Variants in CFAP251 observed in about 807,000 individuals in gnomAD.
CFAP251 encodes the protein cilia and flagella associated protein 251.
In CFAP251, 93 loss-of-function variants were observed where a neutral mutation model predicts 126.7. That is an observed-to-expected ratio of 0.73 (90% CI 0.62 to 0.87). CFAP251 has a LOEUF of 0.87. CFAP251 is among the 40% of genes least tolerant of loss of function. The probability of loss-of-function intolerance (pLI) is 0.00; values close to 1 mark genes in which losing one functional copy is unlikely to be tolerated. For missense variants in CFAP251, 1,287 were observed against 1,389.2 expected (o/e 0.93, Z 1.17); for synonymous variants, 503 against 506.9 (o/e 0.99, Z 0.10).
chr12:121,986,844 C>CT (rs1415318786), intron 19 of CFAP251, among the ~76,000 whole-genome samples: 3 of 152,020 alleles, frequency 2.0e-5, no homozygotes, highest in Non-Finnish European at 4.4e-5. Context: ...ATCTGCCCTC[C>CT]TTAGGAGACA....
intron 13 of CFAP251, chr12:121,959,385 G>A (rs1881846578): frequency 3.4e-6 from 1 of 290,198 alleles, no homozygotes; most frequent in Non-Finnish European, 6.4e-6. Flanking sequence ...AGGTTACAGT[G>A]AGCTATAAGG....
chr12:121,922,437 G>C (rs747137263), intron 2 of CFAP251, among the ~76,000 whole-genome samples: 3 of 152,030 alleles, frequency 2.0e-5, no homozygotes, highest in Non-Finnish European at 4.4e-5. Context: ...TGTGTAGGGA[G>C]GCAGACCTAT....
At chr12:121,926,084 C>G (rs558442523) in intron 3 of CFAP251, among the ~76,000 whole-genome samples, 1 of 118,920 alleles carries the variant, frequency 8.4e-6, no homozygotes, top group East Asian at 2.6e-4. Flanking sequence ...CCCGGATGGT[C>G]TTGATCTCCT....
At chr12:121,982,258 G>C (rs1434772879) in intron 19 of CFAP251, among the ~76,000 whole-genome samples, 1 of 151,774 alleles carries the variant, frequency 6.6e-6, no homozygotes, top group South Asian at 2.1e-4. Flanking sequence ...CCAGGCTGGA[G>C]TGCAGTGGTG....
In CFAP251 at chr12:122,003,770, C is replaced by A. The variant is rs1883197493; in HGVS notation, c.*6C>A. The A allele has an allele frequency of 6.3e-7, 1 of 1,597,070 alleles. No homozygotes were observed. The highest frequency in any genetic ancestry group is 8.5e-7 in the Non-Finnish European group (1 of 1,174,246). The stretch of plus-strand genomic sequence containing the variant: ...CCGGCCAGGATGGTCAGTGAAGTTA[C>A]CAGGAATGTTTAAAGCACAAAGGAC... On this transcript the variant is annotated 3_prime_UTR_variant, in exon 22 of 22. Coordinates refer to ENST00000288912, the MANE Select transcript of CFAP251 (RefSeq NM_144668.6).
intron 2 of CFAP251, among the ~76,000 whole-genome samples, chr12:121,923,075 G>A (rs922057947): frequency 1.3e-5 from 2 of 152,018 alleles, no homozygotes; most frequent in South Asian, 2.1e-4. Context: ...GATTACAGGC[G>A]TGAACCACCG....
At chr12:122,003,582 C>T (rs1883192958) in intron 21 of CFAP251, 70 bp from the exon 22 acceptor site, 1 of 1,286,276 alleles carries the variant, frequency 7.8e-7, no homozygotes, top group African/African-American at 1.5e-5. Flanking sequence ...CAAACCCCTC[C>T]CCTCACCCAA....
Position 121,967,890 on chromosome 12 carries a change from G to A in CFAP251, c.2608-116G>A, listed in dbSNP as rs1434308905. 1.0e-5 allele frequency: 10 copies of A among 955,378 alleles called. No homozygotes were observed. In the African/African-American group the frequency reaches 1.3e-4, roughly 12 times the overall value. 59.2% of individuals were successfully genotyped at this position (955,378 alleles called of 1,614,324 possible). A position where few individuals can be genotyped will look rare whatever the true frequency, so the allele number is the denominator to read the frequency against. ...ATGTGGCTCTCACACTCAGAGATGG[G>A]TCCAGACACACAGGTCCTTCTGGCA... On this transcript the variant is annotated intron_variant, in intron 16 of 21. Transcript: ENST00000288912.
chr12:121,934,164 G>C (rs1424739631), intron 4 of CFAP251, 83 bp from the exon 5 acceptor site: 9 of 1,035,986 alleles, frequency 8.7e-6, no homozygotes, highest in Non-Finnish European at 1.3e-5. Context: ...AGATCTTTCT[G>C]TGGGTCCCCG....
chr12:121,990,270 G>A lies in CFAP251; in HGVS notation c.3007-9446G>A, dbSNP rs182324638. ...CTGGCCACTGTGTGCATGGCATTCAGGAGGTGGACCCTTCTCTATACTCTC... is the reference window on the plus strand; with the variant it reads ...CTGGCCACTGTGTGCATGGCATTCAAGAGGTGGACCCTTCTCTATACTCTC... On this transcript the variant is annotated intron_variant, in intron 19 of 21. Coordinates refer to ENST00000288912, the MANE Select transcript of CFAP251 (RefSeq NM_144668.6). Among the ~76,000 whole-genome samples, 11 of 152,302 alleles carry A rather than the reference G, an allele frequency of 7.2e-5. No individual in the cohort carries two copies. The East Asian group carries it at 2.1e-3, about 29-fold the overall frequency.
chr12:121,942,512 C>A (rs1244135440), intron 5 of CFAP251, 22 bp from the exon 6 acceptor site: 4 of 1,576,850 alleles, frequency 2.5e-6, no homozygotes, highest in Middle Eastern at 1.7e-4. Context: ...GCAAGTGTCG[C>A]CCCCCTTGTC....
chr12:121,983,681 G>A (rs533262258), intron 19 of CFAP251, among the ~76,000 whole-genome samples: 10 of 151,944 alleles, frequency 6.6e-5, no homozygotes, highest in Non-Finnish European at 7.4e-5. Context: ...GGAGAGTTTC[G>A]GTGCCGCACT....
rs928890566 is a variant in CFAP251 at position 121,974,842 on chromosome 12, C to T, written c.2772-402C>T. Reference sequence around the variant, plus strand: ...TGTTGGCAGTTCACTTGTACAATATCCCATTCTTTTGACTCTGATCGTTCG... The same window carrying T: ...TGTTGGCAGTTCACTTGTACAATATTCCATTCTTTTGACTCTGATCGTTCG... On this transcript the variant is annotated intron_variant, in intron 17 of 21. Transcript: ENST00000288912. The surrounding 1 kb of genome is among the most constrained non-coding windows in gnomAD (Gnocchi z 4.6). Among the ~76,000 whole-genome samples, 1 of 152,082 alleles carries T rather than the reference C, an allele frequency of 6.6e-6. No individual in the cohort carries two copies. Among genetic ancestry groups the T allele is most frequent in the African/African-American group, 2.4e-5 (1 of 41,400 alleles).
chr12:121,933,205 TC>T (rs1386295767), intron 4 of CFAP251: 2 of 152,038 alleles, frequency 1.3e-5, no homozygotes, highest in Non-Finnish European at 2.9e-5. Flanking sequence ...GGGAGAAAAA[TC>T]AGGGTAAGAG....
chr12:122,001,178 T>C (rs1392142944), intron 20 of CFAP251, among the ~76,000 whole-genome samples: 1 of 147,180 alleles, frequency 6.8e-6, no homozygotes, highest in Admixed American at 6.9e-5. Flanking sequence ...TGTCTCAGCC[T>C]CCCGAGTAGC....
intron 19 of CFAP251, among the ~76,000 whole-genome samples, chr12:121,993,447 G>A (rs1323332236): frequency 6.8e-6 from 1 of 146,718 alleles, no homozygotes; most frequent in Non-Finnish European, 1.5e-5. Context: ...GATGTGAGGA[G>A]CCCCTCTGCC....
chr12:121,954,182 A>G lies in CFAP251; in HGVS notation c.1383A>G (p.Ile461Met), dbSNP rs1592982031. The G allele has an allele frequency of 6.2e-7, 1 of 1,613,966 alleles. No homozygotes were observed. The highest frequency in any genetic ancestry group is 8.5e-7 in the Non-Finnish European group (1 of 1,179,990). ...QSIFHLNLTQILSATMEGKLV... is the reference protein window; with the variant it reads ...QSIFHLNLTQMLSATMEGKLV... ...TCTTTCACTTGAATTTAACACAAAT[A>G]CTCTCAGCCACAATGGAAGGGAAGC... Residue 461 changes from isoleucine to methionine, a missense_variant, in exon 10 of 22, where the codon ATA becomes ATG. Coordinates refer to ENST00000288912, the MANE Select transcript of CFAP251 (RefSeq NM_144668.6).
At chr12:121,975,729 A>T (rs1882441070) in intron 19 of CFAP251, 44 bp downstream of exon 19, 1 of 1,525,220 alleles carries the variant, frequency 6.6e-7, no homozygotes. Flanking sequence ...TGTGCTATTT[A>T]TAAAAAACAA....
intron 9 of CFAP251, among the ~76,000 whole-genome samples, 196 bp downstream of exon 9, chr12:121,951,726 T>C (rs1881533251): frequency 1.3e-5 from 2 of 149,016 alleles, no homozygotes; most frequent in African/African-American, 4.9e-5. Context: ...TTAAAAATAA[T>C]TTTTTTTTTT....
Sources: gnomAD v4.1 joint callset for allele counts (sites outside exome capture counted in the v4.1 genomes callset) on GRCh38, gnomAD v4.1.1 for gene constraint, Gnocchi (gnomAD v3.1) non-coding constraint, MANE v1.5 for transcripts, NCBI Gene and HGNC (gene_info 2026-07-23, HGNC 2026-07-21) for gene names.